The following UCHL3 variants were observed in gnomAD, a reference collection of about 807,000 sequenced individuals.
The protein encoded by UCHL3 is ubiquitin carboxyl-terminal hydrolase isozyme L3.
A neutral mutation model predicts 35.8 loss-of-function variants in UCHL3; 22 were observed. The observed-to-expected ratio is 0.61, with a 90% CI of 0.44 to 0.88. UCHL3 has a LOEUF of 0.88. Ranked by LOEUF, UCHL3 falls within the 40% of genes least tolerant of loss-of-function variation. The pLI is 0.00. For synonymous variants in UCHL3, 90 were observed against 92.8 expected (o/e 0.97, Z 0.17); for missense variants, 229 against 276.9 (o/e 0.83, Z 1.23).
At chr13:75,586,925 CAG>C (rs2032338360) in intron 6 of UCHL3, among the ~76,000 whole-genome samples, 1 of 141,856 alleles carries the variant, frequency 7.0e-6, no homozygotes, top group Non-Finnish European at 1.5e-5. Context: ...AACAAACAAA[CAG>C]AGGTTAGAGG....
chr13:75,581,520 T>C, intron 6 of UCHL3, among the ~76,000 whole-genome samples: 1 of 146,356 alleles, frequency 6.8e-6, no homozygotes, highest in African/African-American at 2.5e-5. Context: ...TGGCTAATTT[T>C]TTTTTTTTTT....
intron 7 of UCHL3, chr13:75,604,435 A>AT (rs1040450388): frequency 1.6e-5 from 3 of 192,256 alleles, no homozygotes; most frequent in Non-Finnish European, 2.1e-5. Flanking sequence ...GAAAAAAGAA[A>AT]TTTTTTTAAT....
At chr13:75,586,857 A>G (rs2032336094) in intron 6 of UCHL3, among the ~76,000 whole-genome samples, 1 of 151,886 alleles carries the variant, frequency 6.6e-6, no homozygotes, top group South Asian at 2.1e-4. Context: ...TTGACAGGAT[A>G]CAGCTAATGC....
At chr13:75,598,171 T>C (rs1741731711) in intron 7 of UCHL3, among the ~76,000 whole-genome samples, 1 of 152,190 alleles carries the variant, frequency 6.6e-6, no homozygotes, top group African/African-American at 2.4e-5. Context: ...AAGATGTTTG[T>C]AGAAGTTACA....
intron 2 of UCHL3, among the ~76,000 whole-genome samples, chr13:75,551,049 C>G (rs1450923561): frequency 6.6e-6 from 1 of 152,158 alleles, no homozygotes. Context: ...TCTTATGAAT[C>G]TATGTTGACT....
chr13:75,600,393 C>T (rs2032751107), intron 7 of UCHL3, among the ~76,000 whole-genome samples: 1 of 152,178 alleles, frequency 6.6e-6, no homozygotes, highest in Non-Finnish European at 1.5e-5. Context: ...ATGTCAACAC[C>T]TGCCTTCAAA....
At chr13:75,567,190 C>T (rs772394608) in intron 4 of UCHL3, 37 bp from the exon 5 acceptor site, 1 of 1,582,614 alleles carries the variant, frequency 6.3e-7, no homozygotes, top group African/African-American at 1.3e-5. Context: ...TCTGCTGTAT[C>T]AAGCCTTTTT....
At chr13:75,572,153 T>C (rs545730976) in intron 6 of UCHL3, among the ~76,000 whole-genome samples, 2 of 152,288 alleles carry the variant, frequency 1.3e-5, no homozygotes, top group African/African-American at 4.8e-5. Flanking sequence ...CTTCTTGCAG[T>C]ACTCTCTTTC....
intron 6 of UCHL3, among the ~76,000 whole-genome samples, chr13:75,579,332 G>A (rs938119601): frequency 6.6e-6 from 1 of 152,026 alleles, no homozygotes; most frequent in Non-Finnish European, 1.5e-5. Context: ...GCAACTTTCT[G>A]ATCTTTGTTT....
At chr13:75,600,454 T>G (rs2032752555) in intron 7 of UCHL3, among the ~76,000 whole-genome samples, 1 of 152,186 alleles carries the variant, frequency 6.6e-6, no homozygotes, top group South Asian at 2.1e-4. Context: ...TGACTTTCAG[T>G]TGAAGCCAAT....
chr13:75,569,628 GT>G lies in UCHL3; in HGVS notation c.474+127del. 5 of 920,860 alleles carry G rather than the reference GT, an allele frequency of 5.4e-6. No individual in the cohort carries two copies. The East Asian group carries it at 1.4e-4, about 27-fold the overall frequency. 57.0% of individuals were successfully genotyped at this position (920,860 alleles called of 1,614,324 possible). A position where few individuals can be genotyped will look rare whatever the true frequency, so the allele number is the denominator to read the frequency against. ...GTTTTAGAAAGTTACTTGGCTTTTT[GT>G]TTTTTCCTTTGAGAGAATTTGCTTA... On this transcript the variant is annotated intron_variant, in intron 6 of 8. Transcript: ENST00000377595.
intron 7 of UCHL3, among the ~76,000 whole-genome samples, chr13:75,597,953 T>G (rs2032687245): frequency 6.6e-6 from 1 of 152,190 alleles, no homozygotes; most frequent in African/African-American, 2.4e-5. Flanking sequence ...TCATATAGTT[T>G]CTGGCATATG....
chr13:75,597,437 C>T (rs903082759), intron 7 of UCHL3, among the ~76,000 whole-genome samples: 1 of 152,020 alleles, frequency 6.6e-6, no homozygotes, highest in Non-Finnish European at 1.5e-5. Flanking sequence ...GTTCAATTTG[C>T]TCTCTGTGGG....
At chr13:75,579,714 G>A (rs1020234341) in intron 6 of UCHL3, among the ~76,000 whole-genome samples, 3 of 152,078 alleles carry the variant, frequency 2.0e-5, no homozygotes, top group Admixed American at 2.0e-4. Flanking sequence ...GATGAAACTC[G>A]TCTAAGAATG....
At chr13:75,585,926 A>C (rs2032310409) in intron 6 of UCHL3, among the ~76,000 whole-genome samples, 1 of 152,066 alleles carries the variant, frequency 6.6e-6, no homozygotes, top group African/African-American at 2.4e-5. Flanking sequence ...AATAAAAATA[A>C]TGCAAAAAGC....
upstream of UCHL3, chr13:75,549,684 C>T: frequency 9.8e-7 from 1 of 1,021,682 alleles, no homozygotes; most frequent in South Asian, 1.8e-5. Context: ...AGAGGCCCGT[C>T]AAACTCTTTT....
chr13:75,578,945 C>G (rs893718868), intron 6 of UCHL3, among the ~76,000 whole-genome samples: 6 of 152,178 alleles, frequency 3.9e-5, no homozygotes, highest in Non-Finnish European at 8.8e-5. Context: ...CCAGTACAGA[C>G]TGTCAGTGGC....
At chr13:75,567,551 A>ATT (rs371007368) in intron 5 of UCHL3, among the ~76,000 whole-genome samples, 1 of 148,060 alleles carries the variant, frequency 6.8e-6, no homozygotes. Flanking sequence ...TGATTTACAA[A>ATT]TTTTTTTTTT....
chr13:75,589,589 G>C (rs1254697558), intron 6 of UCHL3, among the ~76,000 whole-genome samples: 2 of 151,802 alleles, frequency 1.3e-5, no homozygotes, highest in Non-Finnish European at 2.9e-5. Flanking sequence ...CATTTTATAT[G>C]CGTTACATGG....
Sources: allele counts gnomAD v4.1 joint callset (sites outside exome capture counted in the v4.1 genomes callset), GRCh38; gene constraint gnomAD v4.1.1; transcripts MANE v1.5; gene names NCBI Gene and HGNC (gene_info 2026-07-23, HGNC 2026-07-21).